Variants in ADAMTSL1 observed in about 807,000 individuals in gnomAD.
ADAMTSL1 encodes the protein ADAMTS-like protein 1.
In ADAMTSL1, 126 loss-of-function variants were observed where a neutral mutation model predicts 201.8. The observed-to-expected ratio is 0.62, with a 90% CI of 0.54 to 0.72. ADAMTSL1 has a LOEUF of 0.72. Among genes scored for constraint, ADAMTSL1 ranks in the 30% least tolerant of loss-of-function variants. ADAMTSL1 has a pLI of 0.00. For synonymous variants in ADAMTSL1, 1,121 were observed against 903.4 expected (o/e 1.24, Z -4.32); for missense variants, 2,679 against 2,277.8 (o/e 1.18, Z -3.59).
intron 2 of ADAMTSL1, among the ~76,000 whole-genome samples, chr9:18,277,690 G>A (rs1274430896): frequency 6.6e-6 from 1 of 152,074 alleles, no homozygotes; most frequent in African/African-American, 2.4e-5. Context: ...GTCTCTTGTA[G>A]GCAAAATACA....
intron 2 of ADAMTSL1, among the ~76,000 whole-genome samples, chr9:18,182,151 G>T (rs193230143): frequency 7.2e-5 from 10 of 139,152 alleles, no homozygotes; most frequent in Non-Finnish European, 1.4e-4. Context: ...TGTGGGGGGA[G>T]GGGGGAGGGA....
At chr9:18,419,804 A>G (rs547839040) in intron 2 of ADAMTSL1, among the ~76,000 whole-genome samples, 160 of 142,454 alleles carry the variant, frequency 1.1e-3, no homozygotes, top group Non-Finnish European at 9.2e-4. Context: ...ATCTTAGTTC[A>G]CTGCAACCTC....
chr9:18,820,619 A>G (rs536555282), intron 21 of ADAMTSL1, among the ~76,000 whole-genome samples: 4 of 152,366 alleles, frequency 2.6e-5, no homozygotes, highest in African/African-American at 9.6e-5. Context: ...TATGTAATTT[A>G]CCTAGACCAA....
intron 16 of ADAMTSL1, among the ~76,000 whole-genome samples, chr9:18,756,082 T>A (rs1819735288): frequency 1.7e-4 from 1 of 5,756 alleles, no homozygotes; most frequent in African/African-American, 4.8e-4. Flanking sequence ...TGAAAATATA[T>A]ATATATATAT....
Position 18,307,425 on chromosome 9 carries a change from C to T in ADAMTSL1, c.207+143444C>T, listed in dbSNP as rs533476178. On this transcript the variant is annotated intron_variant, in intron 2 of 29. Transcript: ENST00000680146. ...AATTGGATAAAGGGTCAAGACCCAT[C>T]GGTGTGCCGTATTCAGGAAACCCAT... Among the ~76,000 whole-genome samples the T allele has an allele frequency of 2.6e-4, 40 of 152,182 alleles. 1 individual carries two copies. Among genetic ancestry groups the T allele is most frequent in the African/African-American group, 7.7e-4 (32 of 41,526 alleles).
chr9:18,308,164 C>T (rs1274412569), intron 2 of ADAMTSL1, among the ~76,000 whole-genome samples: 3 of 152,018 alleles, frequency 2.0e-5, no homozygotes, highest in African/African-American at 7.2e-5. Flanking sequence ...AGACACAATG[C>T]ACCAGAATCT....
At chr9:18,199,262 T>G (rs1000857628) in intron 2 of ADAMTSL1, among the ~76,000 whole-genome samples, 45 of 152,026 alleles carry the variant, frequency 3.0e-4, no homozygotes, top group Non-Finnish European at 8.8e-5. Flanking sequence ...AGTGTAATAA[T>G]AATAAAAAAA....
intron 1 of ADAMTSL1, among the ~76,000 whole-genome samples, chr9:18,022,102 C>T (rs1820501102): frequency 6.6e-6 from 1 of 152,020 alleles, no homozygotes; most frequent in African/African-American, 2.4e-5. Flanking sequence ...ACTCAGTGGG[C>T]CTGTGATGTG....
At chr9:18,353,705 G>A (rs2133040232) in intron 2 of ADAMTSL1, among the ~76,000 whole-genome samples, 1 of 152,244 alleles carries the variant, frequency 6.6e-6, no homozygotes, top group South Asian at 2.1e-4. Context: ...AGGGCACAAT[G>A]GAAAGTCATA....
chr9:18,061,423 T>G (rs1490224053), intron 1 of ADAMTSL1, among the ~76,000 whole-genome samples: 1 of 152,196 alleles, frequency 6.6e-6, no homozygotes, highest in Non-Finnish European at 1.5e-5. Context: ...CCATGTGAAG[T>G]GGTACTATGA....
At chr9:18,801,928 T>G (rs966161293) in intron 20 of ADAMTSL1, among the ~76,000 whole-genome samples, 1 of 152,136 alleles carries the variant, frequency 6.6e-6, no homozygotes, top group African/African-American at 2.4e-5. Context: ...AAGGCATAAT[T>G]AACATACCAT....
intron 1 of ADAMTSL1, among the ~76,000 whole-genome samples, chr9:17,931,154 TACG>T (rs1039641200): frequency 6.6e-6 from 1 of 152,196 alleles, no homozygotes; most frequent in Admixed American, 6.6e-5. Context: ...GTAACCGAGC[TACG>T]ACATCATGAT....
At chr9:18,756,679 C>A (rs1320679802) in intron 16 of ADAMTSL1, among the ~76,000 whole-genome samples, 1 of 152,174 alleles carries the variant, frequency 6.6e-6, no homozygotes, top group Non-Finnish European at 1.5e-5. Flanking sequence ...GTCTCCAATC[C>A]TTCAACACCC....
chr9:17,978,462 T>C (rs1000848761), intron 1 of ADAMTSL1, among the ~76,000 whole-genome samples: 1 of 152,054 alleles, frequency 6.6e-6, no homozygotes, highest in African/African-American at 2.4e-5. Flanking sequence ...GAATTTGTTA[T>C]GGGTTTTTGC....
intron 5 of ADAMTSL1, among the ~76,000 whole-genome samples, chr9:18,625,555 A>AT (rs1405750155): frequency 6.6e-6 from 1 of 152,088 alleles, no homozygotes; most frequent in East Asian, 1.9e-4. Flanking sequence ...CAGCCTTTTC[A>AT]TTTTTTCTAG....
intron 2 of ADAMTSL1, among the ~76,000 whole-genome samples, chr9:18,526,961 A>T (rs1281310004): frequency 6.6e-6 from 1 of 152,194 alleles, no homozygotes. Context: ...AAGAGCTCAT[A>T]GATTTCTTTG....
At chr9:18,377,517 AG>A (rs1837352604) in intron 2 of ADAMTSL1, among the ~76,000 whole-genome samples, 1 of 152,168 alleles carries the variant, frequency 6.6e-6, no homozygotes, top group Non-Finnish European at 1.5e-5. Flanking sequence ...AGGGAATTTC[AG>A]TTTGTGCAAC....
intron 2 of ADAMTSL1, among the ~76,000 whole-genome samples, chr9:18,523,285 G>GT (rs1818817725): frequency 6.6e-6 from 1 of 152,090 alleles, no homozygotes; most frequent in African/African-American, 2.4e-5. Flanking sequence ...TTTTGATGGG[G>GT]TTTTTTGTTT....
At position 17,985,306 on chromosome 9, in the gene ADAMTSL1, A is replaced by G. The variant is rs554387120; in HGVS notation, c.87+78384A>G. 4.6e-5 allele frequency among the ~76,000 whole-genome samples: 7 copies of G among 152,238 alleles called. No individual in the cohort carries two copies. The East Asian group carries it at 9.6e-4, about 21-fold the overall frequency. ...TTTTTCATGATTTTCCAAATATTAA[A>G]CCTTTTGTATATTTTCCAAACGTTA... On this transcript the variant is annotated intron_variant, in intron 1 of 29. Coordinates refer to the ADAMTSL1 transcript ENST00000680146.
Sources: gnomAD v4.1 joint callset for allele counts (sites outside exome capture counted in the v4.1 genomes callset) on GRCh38, gnomAD v4.1.1 for gene constraint, MANE v1.5 for transcripts, NCBI Gene and HGNC (gene_info 2026-07-23, HGNC 2026-07-21) for gene names.